The following LATS2 variants were observed in gnomAD, a reference collection of about 807,000 sequenced individuals.
LATS2 encodes the protein serine/threonine-protein kinase LATS2.
In LATS2, 24 loss-of-function variants were observed where a neutral mutation model predicts 76.0. The ratio of observed to expected loss-of-function variants is 0.32; its 90% CI spans 0.23 to 0.44. The LOEUF (loss-of-function observed/expected upper bound fraction) is 0.44. LATS2 is among the 20% of genes least tolerant of loss of function. The pLI, the probability that LATS2 is intolerant of heterozygous loss-of-function variation, is 1.00. For synonymous variants in LATS2, 692 were observed against 635.4 expected (o/e 1.09, Z -1.34); for missense variants, 1,286 against 1,481.2 (o/e 0.87, Z 2.16).
intron 2 of LATS2, among the ~76,000 whole-genome samples, chr13:20,992,993 G>A (rs556133756): frequency 3.8e-5 from 5 of 131,916 alleles, no homozygotes; most frequent in Admixed American, 1.7e-4. Flanking sequence ...CCGAGATCAC[G>A]CCACTGCACT....
intron 7 of LATS2, among the ~76,000 whole-genome samples, chr13:20,979,208 G>A (rs148502905): frequency 7.4e-4 from 113 of 152,332 alleles, no homozygotes; most frequent in African/African-American, 2.6e-3. Flanking sequence ...TATGTTACTG[G>A]TAAGGCTTCC....
intron 2 of LATS2, among the ~76,000 whole-genome samples, chr13:21,028,372 T>C (rs1344835797): frequency 1.3e-5 from 2 of 152,170 alleles, no homozygotes; most frequent in Non-Finnish European, 2.9e-5. Flanking sequence ...CTATTGTGAA[T>C]AGTGCCGCAA....
At chr13:21,032,902 C>T (rs1270848843) in intron 2 of LATS2, among the ~76,000 whole-genome samples, 1 of 152,094 alleles carries the variant, frequency 6.6e-6, no homozygotes, top group Non-Finnish European at 1.5e-5. Context: ...GGGAGAAAAC[C>T]TCATAGCCTG....
At chr13:21,006,006 G>A (rs1308287493) in intron 2 of LATS2, among the ~76,000 whole-genome samples, 2 of 151,810 alleles carry the variant, frequency 1.3e-5, no homozygotes, top group East Asian at 1.9e-4. Flanking sequence ...GAGTGGTGGC[G>A]CATGTCTGTA....
intron 2 of LATS2, among the ~76,000 whole-genome samples, chr13:20,998,639 G>C (rs1019496315): frequency 1.3e-5 from 2 of 152,198 alleles, no homozygotes; most frequent in African/African-American, 4.8e-5. Context: ...GAGGCCCTCC[G>C]GGCCCAGGCC....
At chr13:20,996,031 G>C (rs1442186642) in intron 2 of LATS2, among the ~76,000 whole-genome samples, 2 of 152,174 alleles carry the variant, frequency 1.3e-5, no homozygotes, top group East Asian at 3.8e-4. Context: ...TTGGGCTAAT[G>C]TCTCATAGAA....
intron 1 of LATS2, among the ~76,000 whole-genome samples, chr13:21,053,425 T>C (rs9509510): frequency 0.69 from 104,115 of 151,482 alleles, 37,308 homozygotes; most frequent in East Asian, 0.86. Context: ...TCTTGAAGAA[T>C]CTGATAGCAC....
intron 4 of LATS2, 22 bp downstream of exon 4, chr13:20,987,859 T>C: frequency 6.2e-7 from 1 of 1,605,628 alleles, no homozygotes; most frequent in South Asian, 1.1e-5. Flanking sequence ...GAACAAATAG[T>C]AAAAATGAAG....
intron 2 of LATS2, among the ~76,000 whole-genome samples, chr13:21,019,724 A>C (rs1316947908): frequency 3.5e-5 from 5 of 143,694 alleles, no homozygotes; most frequent in Non-Finnish European, 7.5e-5. Context: ...CTGTAATCCT[A>C]GCACTTTGGG....
intron 2 of LATS2, among the ~76,000 whole-genome samples, chr13:21,027,912 T>G (rs2138373789): frequency 6.6e-6 from 1 of 152,170 alleles, no homozygotes; most frequent in Non-Finnish European, 1.5e-5. Context: ...CTCCATTTAT[T>G]TATTTATTAA....
At chr13:20,981,257 G>A (rs1869862111) in intron 6 of LATS2, among the ~76,000 whole-genome samples, 2 of 152,300 alleles carry the variant, frequency 1.3e-5, no homozygotes, top group Admixed American at 6.5e-5. Flanking sequence ...TGGTCTAATG[G>A]TGCATGTCTT....
chr13:20,998,615 GC>G (rs1219192045), intron 2 of LATS2, among the ~76,000 whole-genome samples: 1 of 152,234 alleles, frequency 6.6e-6, no homozygotes, highest in Non-Finnish European at 1.5e-5. Flanking sequence ...CCACGGAAAG[GC>G]CCCTGGAAGA....
chr13:21,015,399 G>A (rs963683444), intron 2 of LATS2, among the ~76,000 whole-genome samples: 2 of 152,116 alleles, frequency 1.3e-5, no homozygotes, highest in Admixed American at 6.5e-5. Context: ...CTCCCTTGTG[G>A]CACAATTTCT....
At chr13:20,987,607 A>G (rs1870215989) in intron 4 of LATS2, among the ~76,000 whole-genome samples, 1 of 152,232 alleles carries the variant, frequency 6.6e-6, no homozygotes, top group Non-Finnish European at 1.5e-5. Flanking sequence ...TTGCTAATTT[A>G]CCTACAATGT....
chr13:21,017,954 A>G (rs1029332731), intron 2 of LATS2: 1 of 152,140 alleles, frequency 6.6e-6, no homozygotes, highest in Non-Finnish European at 1.5e-5. Flanking sequence ...TAATAATGTG[A>G]GACTATCCCT....
In LATS2 at chr13:20,995,906, CTT is replaced by C. The variant is rs1257213662; in HGVS notation, c.343-4504_343-4503del. On this transcript the variant is annotated intron_variant, in intron 2 of 7. Coordinates refer to ENST00000382592, the MANE Select transcript of LATS2 (RefSeq NM_014572.3). ...AGAGTAATGTGGTAGGCTAACAAGA[CTT>C]TGATGACTTTGTGTCAGTCACCTAG... 3.9e-5 allele frequency among the ~76,000 whole-genome samples: 6 copies of C among 152,314 alleles called. No individual in the cohort carries two copies. In the East Asian group the frequency reaches 5.8e-4, roughly 15 times the overall value.
At position 20,975,286 on chromosome 13, in the gene LATS2, G is replaced by A. The variant is rs781512146; in HGVS notation, c.2851C>T (p.Leu951=). 8 of 1,613,212 alleles carry A rather than the reference G, an allele frequency of 5.0e-6. No individual in the cohort carries two copies. Among genetic ancestry groups the A allele is most frequent in the Non-Finnish European group, 6.8e-6 (8 of 1,179,512 alleles). The change falls in exon 8 of 8, where the codon CTG becomes TTG. Residue 951 remains leucine, a synonymous_variant. Transcript: ENST00000382592. The part of the protein sequence containing the change: ...SPEARDLITK[L]CCSADHRLGR... ...AGGCGGTGGTCTGCGGAGCAGCACA[G>A]CTTGGTGATGAGGTCCCTGGCCTCA... is the stretch of plus-strand genomic sequence containing the variant.
chr13:20,983,108 G>A, intron 5 of LATS2, 116 bp downstream of exon 5: 1 of 650,616 alleles, frequency 1.5e-6, no homozygotes, highest in South Asian at 2.0e-5. Flanking sequence ...ATAATGGAGT[G>A]ACAGATAAAA....
At chr13:21,042,726 C>T (rs1029866976) in intron 2 of LATS2, among the ~76,000 whole-genome samples, 1 of 152,098 alleles carries the variant, frequency 6.6e-6, no homozygotes, top group Non-Finnish European at 1.5e-5. Flanking sequence ...TGGTAACTCA[C>T]GCCTGTAATC....
Sources: gnomAD v4.1 joint callset for allele counts (sites outside exome capture counted in the v4.1 genomes callset) on GRCh38, gnomAD v4.1.1 for gene constraint, MANE v1.5 for transcripts, NCBI Gene and HGNC (gene_info 2026-07-23, HGNC 2026-07-21) for gene names.